Variants in ADK observed in about 807,000 individuals in gnomAD.
ADK encodes the protein adenosine kinase.
Under a neutral mutation model 44.7 loss-of-function variants are expected in ADK, and 24 were observed. That is an observed-to-expected ratio of 0.54 (90% CI 0.39 to 0.76). ADK has a LOEUF of 0.76. Ranked by LOEUF, ADK falls within the 30% of genes least tolerant of loss-of-function variation. The pLI is 0.00. For synonymous variants in ADK, 128 were observed against 142.6 expected (o/e 0.90, Z 0.73); for missense variants, 321 against 425.1 (o/e 0.76, Z 2.15).
chr10:74,200,344 C>G (rs1479789434), intron 1 of ADK, among the ~76,000 whole-genome samples: 5 of 151,742 alleles, frequency 3.3e-5, no homozygotes, highest in Admixed American at 3.3e-4. Context: ...ATTAGCCAGG[C>G]ATGGTGGCAG....
chr10:74,631,819 A>C (rs921154948), intron 9 of ADK, among the ~76,000 whole-genome samples: 20 of 152,178 alleles, frequency 1.3e-4, no homozygotes, highest in Non-Finnish European at 2.8e-4. Context: ...AGATAGAGTA[A>C]AAGAAGTGTC....
At chr10:74,658,850 A>C (rs1201709386) in intron 9 of ADK, among the ~76,000 whole-genome samples, 1 of 152,084 alleles carries the variant, frequency 6.6e-6, no homozygotes, top group Non-Finnish European at 1.5e-5. Context: ...GAACCTATTA[A>C]AGATAACAGA....
chr10:74,528,457 T>A, intron 7 of ADK, among the ~76,000 whole-genome samples: 3 of 142,854 alleles, frequency 2.1e-5, no homozygotes, highest in African/African-American at 5.2e-5. Context: ...ATCAAAACAA[T>A]CTTCACTTAA....
At chr10:74,701,910 C>T (rs573386298) in intron 10 of ADK, among the ~76,000 whole-genome samples, 2 of 152,102 alleles carry the variant, frequency 1.3e-5, no homozygotes, top group South Asian at 4.1e-4. Context: ...TACCACTGCA[C>T]TCCAGCCTCG....
intron 6 of ADK, among the ~76,000 whole-genome samples, chr10:74,403,027 G>C (rs1389103611): frequency 6.6e-6 from 1 of 152,168 alleles, no homozygotes; most frequent in Non-Finnish European, 1.5e-5. Flanking sequence ...TCCAGACCCT[G>C]TTTGCCTGGC....
chr10:74,543,714 G>T (rs963035206), intron 7 of ADK, among the ~76,000 whole-genome samples: 3 of 152,120 alleles, frequency 2.0e-5, no homozygotes. Context: ...CTATCAAATG[G>T]AATTCACTAG....
At chr10:74,309,168 C>T (rs777240763) in intron 3 of ADK, among the ~76,000 whole-genome samples, 9 of 151,976 alleles carry the variant, frequency 5.9e-5, no homozygotes, top group Non-Finnish European at 1.2e-4. Context: ...TTTCTTCTGT[C>T]GCTTTTGTAT....
At chr10:74,692,066 C>T (rs758445275) in intron 10 of ADK, among the ~76,000 whole-genome samples, 1 of 152,176 alleles carries the variant, frequency 6.6e-6, no homozygotes, top group Non-Finnish European at 1.5e-5. Context: ...AACCTGCATG[C>T]ATATGTTTAT....
At chr10:74,376,990 C>T (rs1035538266) in intron 4 of ADK, among the ~76,000 whole-genome samples, 1 of 152,156 alleles carries the variant, frequency 6.6e-6, no homozygotes, top group Non-Finnish European at 1.5e-5. Flanking sequence ...CATTTTATCT[C>T]ATCTGTGAGC....
At chr10:74,350,666 T>C (rs1209165266) in intron 4 of ADK, among the ~76,000 whole-genome samples, 6 of 152,080 alleles carry the variant, frequency 3.9e-5, no homozygotes, top group African/African-American at 1.4e-4. Flanking sequence ...GATAGACTAC[T>C]AGCTAGACTA....
intron 1 of ADK, among the ~76,000 whole-genome samples, chr10:74,157,042 A>G (rs1841765449): frequency 6.6e-6 from 1 of 152,192 alleles, no homozygotes; most frequent in Non-Finnish European, 1.5e-5. Flanking sequence ...TGGATGAAAG[A>G]GGGCTGAAAA....
intron 4 of ADK, among the ~76,000 whole-genome samples, chr10:74,366,130 A>G (rs1248212967): frequency 6.6e-6 from 1 of 152,220 alleles, no homozygotes; most frequent in African/African-American, 2.4e-5. Context: ...TTTAATGATT[A>G]TCAAAGCAGA....
At chr10:74,498,503 T>C (rs1847773218) in intron 6 of ADK, among the ~76,000 whole-genome samples, 1 of 152,254 alleles carries the variant, frequency 6.6e-6, no homozygotes, top group African/African-American at 2.4e-5. Context: ...AATCTATCCT[T>C]TTCTCTAATA....
intron 8 of ADK, among the ~76,000 whole-genome samples, chr10:74,590,156 T>C (rs1317507269): frequency 6.6e-6 from 1 of 152,198 alleles, no homozygotes; most frequent in Non-Finnish European, 1.5e-5. Context: ...ATGACTATGA[T>C]ATTTATTGAG....
At chr10:74,339,988 C>T (rs1467270081) in intron 4 of ADK, among the ~76,000 whole-genome samples, 1 of 152,070 alleles carries the variant, frequency 6.6e-6, no homozygotes, top group Admixed American at 6.5e-5. Context: ...AGCCAGAGGC[C>T]AAAAGTAGTC....
chr10:74,301,645 T>G (rs768959069), intron 3 of ADK, among the ~76,000 whole-genome samples: 1 of 152,098 alleles, frequency 6.6e-6, no homozygotes, highest in Non-Finnish European at 1.5e-5. Flanking sequence ...TATTCCTAAA[T>G]TTGTCAGTAA....
rs1856041790 is a variant in ADK, at chr10:74,692,812, C to CTA, written c.965-15506_965-15505dup. On this transcript the variant is annotated intron_variant, in intron 10 of 10. Coordinates refer to ENST00000539909, the MANE Select transcript of ADK (RefSeq NM_006721.4). ...AGGATTGTAGCCTGGGAACAATAGG[C>CTA]TATACCATCTAGGTTTCTGTAAGTA... Among the ~76,000 whole-genome samples the CTA allele has an allele frequency of 2.6e-5, 4 of 152,284 alleles. No individual in the cohort carries two copies. In the South Asian group the frequency reaches 8.3e-4, roughly 32 times the overall value.
chr10:74,272,857 C>A (rs752030980), intron 3 of ADK, among the ~76,000 whole-genome samples: 1 of 152,110 alleles, frequency 6.6e-6, no homozygotes, highest in Non-Finnish European at 1.5e-5. Context: ...CCTTCTACCC[C>A]TGTTCAACTT....
At position 74,310,053 on chromosome 10, in the gene ADK, T is replaced by C. The variant is rs188641434; in HGVS notation, c.195-4614T>C. 5.0e-4 allele frequency among the ~76,000 whole-genome samples: 76 copies of C among 152,216 alleles called. 3 individuals carry two copies. The East Asian group carries it at 0.012, about 24-fold the overall frequency. On this transcript the variant is annotated intron_variant, in intron 3 of 10. Coordinates refer to ENST00000539909, the MANE Select transcript of ADK (RefSeq NM_006721.4). ...ACAAAGTTTATTAAATTTCTTCCAATGATAATTAATATAGTAGGCTTGTGG... is the reference window on the plus strand; with the variant it reads ...ACAAAGTTTATTAAATTTCTTCCAACGATAATTAATATAGTAGGCTTGTGG...
Sources: allele counts gnomAD v4.1 joint callset (sites outside exome capture counted in the v4.1 genomes callset), GRCh38; gene constraint gnomAD v4.1.1; transcripts MANE v1.5; gene names NCBI Gene and HGNC (gene_info 2026-07-23, HGNC 2026-07-21).